Variants in SLIT3 observed in about 807,000 individuals in gnomAD.
The protein encoded by SLIT3 is slit guidance ligand 3.
In SLIT3, 68 loss-of-function variants were observed where a neutral mutation model predicts 184.0. The observed-to-expected ratio is 0.37, with a 90% confidence interval of 0.30 to 0.45. The LOEUF is 0.45. Among genes scored for constraint, SLIT3 ranks in the 20% least tolerant of loss-of-function variants. The probability of loss-of-function intolerance (pLI) is 1.00; values close to 1 mark genes in which losing one functional copy is unlikely to be tolerated. For missense variants in SLIT3, 1,707 were observed against 2,026.0 expected (o/e 0.84, Z 3.02); for synonymous variants, 831 against 828.6 (o/e 1.00, Z -0.05).
At chr5:168,993,860 G>A (rs1246897656) in intron 4 of SLIT3, among the ~76,000 whole-genome samples, 1 of 152,192 alleles carries the variant, frequency 6.6e-6, no homozygotes, top group Non-Finnish European at 1.5e-5. Flanking sequence ...GAAAGCCCTT[G>A]GGTTTCTCTT....
chr5:169,263,581 G>A (rs756810061), intron 1 of SLIT3: 4 of 467,652 alleles, frequency 8.6e-6, no homozygotes, highest in Middle Eastern at 3.5e-4. Flanking sequence ...GCTGTTGTAA[G>A]GCACCCAGTT....
intron 4 of SLIT3, among the ~76,000 whole-genome samples, chr5:169,068,916 T>G (rs1758448457): frequency 6.6e-6 from 1 of 152,188 alleles, no homozygotes; most frequent in Non-Finnish European, 1.5e-5. Context: ...GGTGACTTAG[T>G]GGCAATTAAA....
intron 4 of SLIT3, among the ~76,000 whole-genome samples, chr5:168,884,478 C>T (rs1175618330): frequency 8.1e-6 from 1 of 123,392 alleles, no homozygotes; most frequent in African/African-American, 3.0e-5. Context: ...TTTAAAAGAA[C>T]ACCCGAAAAA....
At chr5:169,035,307 C>T (rs1171967791) in intron 4 of SLIT3, among the ~76,000 whole-genome samples, 1 of 151,996 alleles carries the variant, frequency 6.6e-6, no homozygotes, top group South Asian at 2.1e-4. Context: ...CTGATGGCAA[C>T]ATTGAAGGCC....
At chr5:169,163,088 C>T (rs571228253) in intron 4 of SLIT3, among the ~76,000 whole-genome samples, 1 of 151,808 alleles carries the variant, frequency 6.6e-6, no homozygotes, top group African/African-American at 2.4e-5. Context: ...TTTGGGAGGT[C>T]GAGGTGGGTG....
chr5:169,020,685 T>A (rs376230935), intron 4 of SLIT3, among the ~76,000 whole-genome samples: 11 of 152,240 alleles, frequency 7.2e-5, no homozygotes, highest in African/African-American at 2.4e-4. Context: ...GAATGAAATC[T>A]TCTCATTCAG....
chr5:169,166,292 G>T (rs900318205), intron 4 of SLIT3, among the ~76,000 whole-genome samples: 8 of 152,174 alleles, frequency 5.3e-5, no homozygotes, highest in African/African-American at 1.2e-4. Context: ...AATGAGAAAA[G>T]GGCTGCCTGG....
At chr5:169,076,102 G>A (rs1051176190) in intron 4 of SLIT3, among the ~76,000 whole-genome samples, 1 of 152,212 alleles carries the variant, frequency 6.6e-6, no homozygotes, top group African/African-American at 2.4e-5. Flanking sequence ...AGGACCCTCA[G>A]GGGGGTTTCA....
chr5:169,154,117 C>G (rs1328093222), intron 4 of SLIT3, among the ~76,000 whole-genome samples: 1 of 152,054 alleles, frequency 6.6e-6, no homozygotes, highest in Admixed American at 6.5e-5. Flanking sequence ...GGACTACAGG[C>G]ACCCACCACC....
At chr5:168,748,961 T>C (rs1262844473) in intron 19 of SLIT3, among the ~76,000 whole-genome samples, 1 of 152,196 alleles carries the variant, frequency 6.6e-6, no homozygotes, top group Non-Finnish European at 1.5e-5. Flanking sequence ...AAGCCTCAGA[T>C]ATCCATATCC....
chr5:169,187,354 G>A (rs1218086909), intron 4 of SLIT3, among the ~76,000 whole-genome samples: 3 of 151,574 alleles, frequency 2.0e-5, no homozygotes, highest in Non-Finnish European at 2.9e-5. Context: ...CTCGTCATCC[G>A]CCCACCTTGG....
chr5:168,670,303 A>G (rs577202735), intron 34 of SLIT3, among the ~76,000 whole-genome samples: 1 of 152,288 alleles, frequency 6.6e-6, no homozygotes, highest in East Asian at 1.9e-4. Flanking sequence ...GCCATTCTCT[A>G]AACATTTTAA....
intron 35 of SLIT3, among the ~76,000 whole-genome samples, chr5:168,668,789 T>G (rs1761138726): frequency 1.3e-5 from 2 of 152,202 alleles, no homozygotes; most frequent in African/African-American, 4.8e-5. Context: ...TGCTGCTCAA[T>G]GTCATGCAGA....
intron 3 of SLIT3, among the ~76,000 whole-genome samples, chr5:169,225,714 G>A (rs575964635): frequency 6.6e-6 from 1 of 152,196 alleles, no homozygotes; most frequent in Non-Finnish European, 1.5e-5. Context: ...GAGAAGACAG[G>A]GGGTGGGCGG....
chr5:168,687,360 A>G (rs1761778598), intron 29 of SLIT3, among the ~76,000 whole-genome samples: 1 of 152,218 alleles, frequency 6.6e-6, no homozygotes, highest in Non-Finnish European at 1.5e-5. Context: ...GGACTCATCC[A>G]GCTTTTGGCT....
intron 8 of SLIT3, among the ~76,000 whole-genome samples, chr5:168,812,992 T>A (rs1757211913): frequency 6.9e-6 from 1 of 145,934 alleles, no homozygotes; most frequent in Non-Finnish European, 1.5e-5. Flanking sequence ...GGCTATTAGG[T>A]TCAAGCTTTG....
intron 8 of SLIT3, among the ~76,000 whole-genome samples, chr5:168,807,155 G>A (rs1756997222): frequency 6.6e-6 from 1 of 152,004 alleles, no homozygotes; most frequent in Non-Finnish European, 1.5e-5. Flanking sequence ...TATCTCGCCT[G>A]AAAAAAAGGT....
intron 4 of SLIT3, among the ~76,000 whole-genome samples, chr5:168,900,107 A>C (rs1484033358): frequency 1.3e-5 from 2 of 152,236 alleles, no homozygotes; most frequent in Non-Finnish European, 2.9e-5. Flanking sequence ...CCCCAGTTAG[A>C]ATGGCTATTA....
chr5:169,132,767 A>T (rs1292577755), intron 4 of SLIT3, among the ~76,000 whole-genome samples: 1 of 152,150 alleles, frequency 6.6e-6, no homozygotes, highest in East Asian at 1.9e-4. Flanking sequence ...CCAAGAAGAA[A>T]GAATGACTCC....
Sources: allele counts gnomAD v4.1 joint callset (sites outside exome capture counted in the v4.1 genomes callset), GRCh38; gene constraint gnomAD v4.1.1; transcripts MANE v1.5; gene names NCBI Gene and HGNC (gene_info 2026-07-23, HGNC 2026-07-21).